The following CTNNA2 variants were observed in gnomAD, a reference collection of about 807,000 sequenced individuals.
The protein encoded by CTNNA2 is catenin alpha-2.
In CTNNA2, 42 loss-of-function variants were observed where a neutral mutation model predicts 101.0. The ratio of observed to expected loss-of-function variants is 0.42; its 90% CI spans 0.32 to 0.54. The LOEUF (loss-of-function observed/expected upper bound fraction) is 0.54, where lower values mean the gene tolerates loss of function less well. Among genes scored for constraint, CTNNA2 ranks in the 20% least tolerant of loss-of-function variants. CTNNA2 has a pLI of 0.14. For missense variants in CTNNA2, 871 were observed against 1,223.1 expected (o/e 0.71, Z 4.29); for synonymous variants, 450 against 456.4 (o/e 0.99, Z 0.18).
At chr2:80,391,552 C>G (rs1379071720) in intron 7 of CTNNA2, among the ~76,000 whole-genome samples, 1 of 152,178 alleles carries the variant, frequency 6.6e-6, no homozygotes, top group Non-Finnish European at 1.5e-5. Context: ...TCAGAAGGAT[C>G]ATGGTCCAGA....
intron 7 of CTNNA2, among the ~76,000 whole-genome samples, chr2:80,243,451 C>T (rs1366687465): frequency 4.6e-5 from 7 of 152,128 alleles, no homozygotes; most frequent in East Asian, 1.9e-4. Flanking sequence ...CTCCAGGCAA[C>T]GACTGATCTG....
At chr2:79,492,810 G>A (rs77792510) in intron 4 of CTNNA2, among the ~76,000 whole-genome samples, 2,215 of 152,046 alleles carry the variant, frequency 0.015, 88 homozygotes, top group East Asian at 0.13. Context: ...AAAAATCCTC[G>A]CCAAAATACT....
At chr2:80,025,126 G>A (rs1484470) in intron 7 of CTNNA2, among the ~76,000 whole-genome samples, 8,267 of 152,192 alleles carry the variant, frequency 0.054, 647 homozygotes, top group African/African-American at 0.17. Context: ...CTTCTCCTCT[G>A]CCACTCCACT....
intron 9 of CTNNA2, among the ~76,000 whole-genome samples, chr2:80,424,941 C>T (rs546635743): frequency 2.0e-5 from 3 of 152,176 alleles, no homozygotes; most frequent in Non-Finnish European, 2.9e-5. Flanking sequence ...GCTGCCTCAG[C>T]GGGGCTGTGC....
At chr2:79,520,767 C>A (rs1387081419) in intron 1 of CTNNA2, among the ~76,000 whole-genome samples, 1 of 151,938 alleles carries the variant, frequency 6.6e-6, no homozygotes, top group Non-Finnish European at 1.5e-5. Flanking sequence ...AATTTAAAAC[C>A]ACAGTGTGAT....
intron 2 of CTNNA2, among the ~76,000 whole-genome samples, chr2:79,310,173 A>G (rs1383944804): frequency 6.6e-6 from 1 of 152,150 alleles, no homozygotes; most frequent in Non-Finnish European, 1.5e-5. Flanking sequence ...CTTATTTTCA[A>G]GTACTTAGAC....
At chr2:80,178,201 G>T (rs1705520288) in intron 7 of CTNNA2, among the ~76,000 whole-genome samples, 1 of 152,186 alleles carries the variant, frequency 6.6e-6, no homozygotes, top group Admixed American at 6.5e-5. Flanking sequence ...CCAAGGACCT[G>T]TTCAAGCCTG....
chr2:79,982,305 A>G (rs1345039029), intron 7 of CTNNA2, among the ~76,000 whole-genome samples: 2 of 133,676 alleles, frequency 1.5e-5, no homozygotes, highest in South Asian at 2.2e-4. Context: ...AACATATATA[A>G]AACATATATA....
At chr2:79,585,458 A>G (rs1410893247) in intron 1 of CTNNA2, among the ~76,000 whole-genome samples, 2 of 151,952 alleles carry the variant, frequency 1.3e-5, no homozygotes, top group Non-Finnish European at 2.9e-5. Context: ...TTTCTGGAAT[A>G]AAATTTAGCT....
At chr2:80,183,584 G>A (rs1230438574) in intron 7 of CTNNA2, among the ~76,000 whole-genome samples, 1 of 152,074 alleles carries the variant, frequency 6.6e-6, no homozygotes, top group Non-Finnish European at 1.5e-5. Context: ...GTTCAATGCT[G>A]CCCCAGACAA....
intron 3 of CTNNA2, among the ~76,000 whole-genome samples, chr2:79,345,818 G>C (rs1015976187): frequency 6.7e-6 from 1 of 150,264 alleles, no homozygotes; most frequent in African/African-American, 2.5e-5. Flanking sequence ...TCAGCCTCCC[G>C]CATAGCTGGT....
chr2:80,425,580 T>C (rs994194296), intron 9 of CTNNA2, among the ~76,000 whole-genome samples: 33 of 152,000 alleles, frequency 2.2e-4, no homozygotes, highest in African/African-American at 6.8e-4. Flanking sequence ...ACATTTCCAT[T>C]AATCACATAA....
chr2:80,578,316 A>T (rs1426660059), intron 13 of CTNNA2, among the ~76,000 whole-genome samples: 1 of 152,136 alleles, frequency 6.6e-6, no homozygotes, highest in East Asian at 1.9e-4. Flanking sequence ...GAGCACATAG[A>T]ACTTTCACCC....
intron 7 of CTNNA2, among the ~76,000 whole-genome samples, chr2:79,972,380 G>C (rs1353041512): frequency 6.6e-6 from 1 of 152,126 alleles, no homozygotes; most frequent in Non-Finnish European, 1.5e-5. Flanking sequence ...AGAGTGGTGA[G>C]TATAAACATG....
At chr2:80,339,828 G>A in intron 7 of CTNNA2, among the ~76,000 whole-genome samples, 1 of 152,198 alleles carries the variant, frequency 6.6e-6, no homozygotes, top group Non-Finnish European at 1.5e-5. Context: ...AGCTAGGGGA[G>A]ATTATTTGGT....
In CTNNA2 at chr2:79,432,921, A is replaced by C. The variant is rs543069553; in HGVS notation, c.-135+58908A>C. Among the ~76,000 whole-genome samples, 6 of 152,320 alleles carry C rather than the reference A, an allele frequency of 3.9e-5. No individual in the cohort carries two copies. The South Asian group carries it at 1.2e-3, about 32-fold the overall frequency. The stretch of plus-strand genomic sequence containing the variant: ...TTCAAATGGGACTCTAGCCAAGCCT[A>C]ATTTGTCTATGGCAAACAAATGGCA... On this transcript the variant is annotated intron_variant, in intron 4 of 21. Transcript: ENST00000466387.
intron 9 of CTNNA2, among the ~76,000 whole-genome samples, chr2:80,512,123 C>A (rs1688750014): frequency 7.2e-6 from 1 of 139,540 alleles, no homozygotes; most frequent in East Asian, 2.1e-4. Context: ...GCACTCCAGC[C>A]TGGGCAACAG....
intron 2 of CTNNA2, among the ~76,000 whole-genome samples, chr2:79,741,547 T>A (rs1338221888): frequency 6.6e-6 from 1 of 152,192 alleles, no homozygotes; most frequent in East Asian, 1.9e-4. Context: ...TTCACTAAAA[T>A]GTTATCATTT....
At chr2:79,755,804 C>T (rs910855240) in intron 3 of CTNNA2, among the ~76,000 whole-genome samples, 25 of 152,028 alleles carry the variant, frequency 1.6e-4, no homozygotes, top group African/African-American at 6.0e-4. Flanking sequence ...AGTATGCTAT[C>T]TAGGAATGAA....
Sources: gnomAD v4.1 joint callset for allele counts (sites outside exome capture counted in the v4.1 genomes callset) on GRCh38, gnomAD v4.1.1 for gene constraint, MANE v1.5 for transcripts, NCBI Gene and HGNC (gene_info 2026-07-23, HGNC 2026-07-21) for gene names.